Variants in ATP13A5 observed in about 807,000 individuals in gnomAD.
ATP13A5 encodes the protein probable cation-transporting ATPase 13A5.
A neutral mutation model predicts 150.2 loss-of-function variants in ATP13A5; 149 were observed. The observed-to-expected ratio is 0.99, with a 90% CI of 0.87 to 1.14. The LOEUF (loss-of-function observed/expected upper bound fraction) is 1.14, where lower values mean the gene tolerates loss of function less well. Ranked by LOEUF, ATP13A5 falls within the 50% of genes most tolerant of loss-of-function variation. The pLI is 0.00. For synonymous variants in ATP13A5, 497 were observed against 522.2 expected, an observed-to-expected ratio of 0.95 and a Z score of 0.66; for missense variants, 1,383 against 1,449.3, an observed-to-expected ratio of 0.95 and a Z score of 0.74.
At chr3:193,361,379 G>A (rs1379048036) in intron 5 of ATP13A5, among the ~76,000 whole-genome samples, 1 of 152,190 alleles carries the variant, frequency 6.6e-6, no homozygotes, top group Non-Finnish European at 1.5e-5. Context: ...CTTGGTGTGT[G>A]TGAGAATTAT....
chr3:193,367,613 TA>T, intron 1 of ATP13A5, among the ~76,000 whole-genome samples: 1 of 152,214 alleles, frequency 6.6e-6, no homozygotes, highest in South Asian at 2.1e-4. Context: ...AATGATATAT[TA>T]AAAGTTTAGT....
chr3:193,292,923 G>T (rs1207566254), intron 25 of ATP13A5, among the ~76,000 whole-genome samples: 1 of 152,110 alleles, frequency 6.6e-6, no homozygotes, highest in Non-Finnish European at 1.5e-5. Context: ...CTGTATACCT[G>T]ATTATAAATA....
chr3:193,313,978 A>G, intron 19 of ATP13A5, 55 bp downstream of exon 19: 4 of 1,573,746 alleles, frequency 2.5e-6, no homozygotes, highest in Non-Finnish European at 3.5e-6. Flanking sequence ...GAGCAGTGCC[A>G]GGACTGTATT....
intron 5 of ATP13A5, among the ~76,000 whole-genome samples, chr3:193,356,038 G>A (rs895408249): frequency 3.9e-5 from 6 of 152,104 alleles, no homozygotes; most frequent in African/African-American, 1.2e-4. Flanking sequence ...CCACAACTTC[G>A]TATGTCTACC....
chr3:193,291,401 T>C (rs1406079828), intron 25 of ATP13A5, among the ~76,000 whole-genome samples: 1 of 152,108 alleles, frequency 6.6e-6, no homozygotes, highest in South Asian at 2.1e-4. Flanking sequence ...TTTCCTGGGA[T>C]GTATCCTCTA....
intron 7 of ATP13A5, 43 bp from the exon 8 acceptor site, chr3:193,345,118 T>G: frequency 3.9e-6 from 6 of 1,545,344 alleles, no homozygotes; most frequent in Non-Finnish European, 5.4e-6. Flanking sequence ...ATAGTTCATG[T>G]TCTGAAAACC....
At position 193,307,314 on chromosome 3, in the gene ATP13A5, C is replaced by T; in HGVS notation, c.2568+13G>A. 6.2e-7 allele frequency: 1 copy of T among 1,613,798 alleles called. No individual in the cohort carries two copies. Among genetic ancestry groups the T allele is most frequent in the Non-Finnish European group, 8.5e-7 (1 of 1,179,854 alleles). ...GTGAGTGGCTTGTCTGAGCAAAAGC[C>T]ATTTCTACTCACCCCACAGTCGTTA... On this transcript the variant is annotated intron_variant, in intron 22 of 29. Transcript: ENST00000342358.
Position 193,356,833 on chromosome 3 carries a change from A to G in ATP13A5, c.537-2637T>C, listed in dbSNP as rs113307550. 5.3e-4 allele frequency among the ~76,000 whole-genome samples: 55 copies of G among 103,980 alleles called. 1 individual carries two copies. Among genetic ancestry groups the G allele is most frequent in the African/African-American group, 2.2e-3 (54 of 24,930 alleles). 68.2% of individuals were successfully genotyped at this position (103,980 alleles called of 152,430 possible). A position where few individuals can be genotyped will look rare whatever the true frequency, so the allele number is the denominator to read the frequency against. ...GATTTTTTTTTCTTTTTCTTTTTTG[A>G]GACGGAGTGTCTTGCTCTGTCGCCC... is the stretch of plus-strand genomic sequence containing the variant. On this transcript the variant is annotated intron_variant, in intron 5 of 29. Transcript: ENST00000342358.
intron 1 of ATP13A5, among the ~76,000 whole-genome samples, chr3:193,377,134 A>T (rs1713672773): frequency 6.6e-6 from 1 of 152,226 alleles, no homozygotes; most frequent in Non-Finnish European, 1.5e-5. Flanking sequence ...TAAAGCAACT[A>T]GTTAGAGAAG....
chr3:193,284,782 A>C (rs1717647322), intron 27 of ATP13A5, 132 bp downstream of exon 27: 2 of 779,800 alleles, frequency 2.6e-6, no homozygotes, highest in African/African-American at 1.8e-5. Flanking sequence ...TGACCACTGC[A>C]TTCAACAACA....
At chr3:193,309,523 C>T (rs1022603021) in intron 21 of ATP13A5, among the ~76,000 whole-genome samples, 9 of 152,164 alleles carry the variant, frequency 5.9e-5, no homozygotes, top group Non-Finnish European at 8.8e-5. Context: ...CTGTGTAATC[C>T]ACTCCCCTGG....
At chr3:193,327,834 GAGTA>G (rs1318926450) in intron 12 of ATP13A5, among the ~76,000 whole-genome samples, 2 of 152,180 alleles carry the variant, frequency 1.3e-5, no homozygotes, top group African/African-American at 4.8e-5. Context: ...TTAACACCCT[GAGTA>G]AGTGAGTTGG....
At chr3:193,345,103 A>G in intron 7 of ATP13A5, 28 bp from the exon 8 acceptor site, 1 of 1,596,484 alleles carries the variant, frequency 6.3e-7, no homozygotes, top group Non-Finnish European at 8.6e-7. Context: ...ACATTTAAAC[A>G]TTAGATAGTT....
chr3:193,362,543 G>T, intron 4 of ATP13A5, 24 bp downstream of exon 4: 1 of 1,613,788 alleles, frequency 6.2e-7, no homozygotes, highest in Non-Finnish European at 8.5e-7. Flanking sequence ...TCCTGACCAA[G>T]GGGTGACAAA....
At chr3:193,354,229 GC>G (rs749910648) in intron 5 of ATP13A5, 33 bp from the exon 6 acceptor site, 32 of 1,587,380 alleles carry the variant, frequency 2.0e-5, no homozygotes, top group African/African-American at 2.7e-5. Flanking sequence ...TAGTGTCATA[GC>G]TACAAGCACA....
At chr3:193,312,168 C>T (rs995253424) in intron 19 of ATP13A5, among the ~76,000 whole-genome samples, 1 of 152,140 alleles carries the variant, frequency 6.6e-6, no homozygotes, top group African/African-American at 2.4e-5. Context: ...ACTCTGGATC[C>T]CGTCTTGGGA....
chr3:193,362,105 T>G (rs915451662), intron 5 of ATP13A5, among the ~76,000 whole-genome samples: 4 of 152,148 alleles, frequency 2.6e-5, no homozygotes, highest in Admixed American at 2.0e-4. Context: ...CAAGATTTTT[T>G]TAAGAAAGGA....
intron 23 of ATP13A5, 99 bp from the exon 24 acceptor site, chr3:193,301,406 G>T: frequency 2.5e-6 from 2 of 803,464 alleles, no homozygotes; most frequent in South Asian, 1.7e-5. Flanking sequence ...GTAGCCTGTT[G>T]ACATACATTC....
chr3:193,296,744 G>T lies in ATP13A5; in HGVS notation c.2848+2387C>A, dbSNP rs7639873. ...TGAAGAATATTAATGGTAGTTTAAT[G>T]GGAATAGTATTGAATCTGTAAATTA... On this transcript the variant is annotated intron_variant, in intron 25 of 29. Coordinates refer to ENST00000342358, the MANE Select transcript of ATP13A5 (RefSeq NM_198505.4). Among the ~76,000 whole-genome samples the T allele has an allele frequency of 7.8e-3, 1,193 of 152,146 alleles. 17 individuals are homozygous for T. The highest frequency in any genetic ancestry group is 0.028 in the African/African-American group (1,142 of 41,506).
Sources: allele counts gnomAD v4.1 joint callset (sites outside exome capture counted in the v4.1 genomes callset), GRCh38; gene constraint gnomAD v4.1.1; transcripts MANE v1.5; gene names NCBI Gene and HGNC (gene_info 2026-07-23, HGNC 2026-07-21).